The following OR9Q1 variants were observed in gnomAD, a reference collection of about 807,000 sequenced individuals.
The protein encoded by OR9Q1 is olfactory receptor 9Q1.
For missense variants in OR9Q1, 374 were observed against 378.8 expected, an observed-to-expected ratio of 0.99 and a Z score of 0.11; for synonymous variants, 153 against 148.6, an observed-to-expected ratio of 1.03 and a Z score of -0.22.
chr11:58,094,586 A>G (rs1853713550), intron 2 of OR9Q1, among the ~76,000 whole-genome samples: 1 of 152,204 alleles, frequency 6.6e-6, no homozygotes, highest in Non-Finnish European at 1.5e-5. Context: ...TGAATGCAAA[A>G]ATCAAATTAT....
intron 2 of OR9Q1, among the ~76,000 whole-genome samples, chr11:58,102,576 G>A (rs1853794907): frequency 6.6e-6 from 1 of 151,092 alleles, no homozygotes; most frequent in Non-Finnish European, 1.5e-5. Context: ...TTTTCTTTCA[G>A]CATTTTGAGT....
chr11:58,162,884 C>T (rs562895365), intron 2 of OR9Q1, among the ~76,000 whole-genome samples: 1 of 152,232 alleles, frequency 6.6e-6, no homozygotes, highest in East Asian at 1.9e-4. Flanking sequence ...ATGGAAGGGA[C>T]ATTGTTCTGA....
At chr11:58,062,059 G>A (rs183552449) in intron 2 of OR9Q1, among the ~76,000 whole-genome samples, 2 of 152,290 alleles carry the variant, frequency 1.3e-5, no homozygotes, top group East Asian at 1.9e-4. Flanking sequence ...AATGGTGCAG[G>A]CTTCCCAAAA....
At chr11:58,149,931 C>A (rs563545872) in intron 2 of OR9Q1, among the ~76,000 whole-genome samples, 10 of 152,210 alleles carry the variant, frequency 6.6e-5, no homozygotes, top group Non-Finnish European at 4.4e-5. Context: ...TGTGGGTGAA[C>A]AAAGATGTGT....
At chr11:58,124,371 G>C (rs926222780) in intron 2 of OR9Q1, 2 of 152,152 alleles carry the variant, frequency 1.3e-5, no homozygotes, top group African/African-American at 4.8e-5. Context: ...AGGGGATAGG[G>C]AAAAAGACTC....
At chr11:58,131,558 G>T (rs1280373732) in intron 2 of OR9Q1, among the ~76,000 whole-genome samples, 1 of 151,722 alleles carries the variant, frequency 6.6e-6, no homozygotes, top group Non-Finnish European at 1.5e-5. Context: ...AAATATAAAA[G>T]ATTTTTTCGT....
At chr11:58,084,363 G>A (rs2441974) in intron 2 of OR9Q1, among the ~76,000 whole-genome samples, 2,879 of 151,796 alleles carry the variant, frequency 0.019, 165 homozygotes, top group African/African-American at 0.065. Flanking sequence ...ATCTTTAGAT[G>A]TGCAAAGAAC....
At chr11:58,099,740 T>C (rs55663656) in intron 2 of OR9Q1, among the ~76,000 whole-genome samples, 8,569 of 152,260 alleles carry the variant, frequency 0.056, 335 homozygotes, top group African/African-American at 0.11. Context: ...TTAAGTTTTT[T>C]ATCTGGGAAT....
chr11:58,179,985 C>T lies in OR9Q1; in HGVS notation c.541C>T (p.Leu181Phe). ...TGAGATTGACTTTATTTTCTGTGAC[C>T]TCCCTCCTCTGTTAAAGTTGACCTG... The part of the protein sequence containing the change: ...TSEIDFIFCD[L>F]PPLLKLTCGE... The change falls in exon 3 of 3, where the codon CTC becomes TTC. Residue 181 changes from leucine to phenylalanine, a missense_variant. Physicochemically the swap from Leu to Phe is conservative, Grantham distance 22. Coordinates refer to ENST00000335397, the MANE Select transcript of OR9Q1 (RefSeq NM_001005212.4). 1 of 1,614,124 alleles carries T rather than the reference C, an allele frequency of 6.2e-7. No individual in the cohort carries two copies. Among genetic ancestry groups the T allele is most frequent in the Non-Finnish European group, 8.5e-7 (1 of 1,180,020 alleles).
intron 1 of OR9Q1, among the ~76,000 whole-genome samples, chr11:58,042,473 T>G (rs1390252579): frequency 1.3e-5 from 2 of 151,888 alleles, no homozygotes; most frequent in East Asian, 3.9e-4. Context: ...CGGCGTTATT[T>G]CTGATGGCTC....
At chr11:58,161,239 TA>T (rs201839734) in intron 2 of OR9Q1, among the ~76,000 whole-genome samples, 34,528 of 113,794 alleles carry the variant, frequency 0.3, 4,442 homozygotes, top group Middle Eastern at 0.48. Context: ...ACGTAAAGTA[TA>T]AAAAAAAAAA....
At chr11:58,148,888 T>C (rs1194923299) in intron 2 of OR9Q1, among the ~76,000 whole-genome samples, 1 of 152,220 alleles carries the variant, frequency 6.6e-6, no homozygotes, top group East Asian at 1.9e-4. Flanking sequence ...GAGATCAAGA[T>C]GCTTCATGGA....
At chr11:58,119,324 C>T in intron 2 of OR9Q1, 1 of 1,613,828 alleles carries the variant, frequency 6.2e-7, no homozygotes, top group Non-Finnish European at 8.5e-7. Context: ...CCCACATTCC[C>T]AAGAAGGGTG....
intron 2 of OR9Q1, among the ~76,000 whole-genome samples, chr11:58,061,799 A>G (rs1199532802): frequency 6.6e-6 from 1 of 152,256 alleles, no homozygotes; most frequent in Non-Finnish European, 1.5e-5. Context: ...TAAAGGTAGC[A>G]CTTAGCATAT....
At chr11:58,092,972 G>T (rs1853698079) in intron 2 of OR9Q1, among the ~76,000 whole-genome samples, 2 of 152,018 alleles carry the variant, frequency 1.3e-5, no homozygotes, top group East Asian at 1.9e-4. Context: ...CTGCAGAAGG[G>T]TTTATTGTTT....
chr11:58,062,878 T>C (rs1216517174), intron 2 of OR9Q1, among the ~76,000 whole-genome samples: 2 of 152,174 alleles, frequency 1.3e-5, no homozygotes, highest in African/African-American at 4.8e-5. Flanking sequence ...TTTGGAGGCT[T>C]GAGGCTGCGT....
intron 2 of OR9Q1, among the ~76,000 whole-genome samples, chr11:58,083,102 G>C (rs926357043): frequency 1.3e-5 from 2 of 152,026 alleles, no homozygotes; most frequent in East Asian, 1.9e-4. Context: ...CCTATGTCCT[G>C]AATGGTATCG....
intron 2 of OR9Q1, among the ~76,000 whole-genome samples, chr11:58,123,962 C>A (rs1051976420): frequency 6.6e-6 from 1 of 152,094 alleles, no homozygotes; most frequent in African/African-American, 2.4e-5. Flanking sequence ...AACTGCTCAA[C>A]CAATTGGAAC....
chr11:58,132,748 A>G (rs1854154061), intron 2 of OR9Q1, among the ~76,000 whole-genome samples: 1 of 152,124 alleles, frequency 6.6e-6, no homozygotes, highest in Non-Finnish European at 1.5e-5. Context: ...AGACAAGATG[A>G]AGGTTGAGTG....
Sources: gnomAD v4.1 joint callset for allele counts (sites outside exome capture counted in the v4.1 genomes callset) on GRCh38, gnomAD v4.1.1 for gene constraint, MANE v1.5 for transcripts, NCBI Gene and HGNC (gene_info 2026-07-23, HGNC 2026-07-21) for gene names.